Variants in E2F3 observed in about 807,000 individuals in gnomAD.
The protein encoded by E2F3 is transcription factor E2F3.
E2F3 carries 11 observed loss-of-function variants against 44.4 expected under a neutral mutation model. That is an observed-to-expected ratio of 0.25 (90% CI 0.16 to 0.41). The LOEUF is 0.41. E2F3 is among the 10% of genes least tolerant of loss of function. E2F3 has a pLI of 1.00. For synonymous variants in E2F3, 249 were observed against 253.0 expected (o/e 0.98, Z 0.15); for missense variants, 487 against 583.6 (o/e 0.83, Z 1.70).
chr6:20,415,686 G>A lies in E2F3; in HGVS notation c.393+13061G>A, dbSNP rs369232080. Reference sequence around the variant, plus strand: ...ATATGATATACATTTTAAAAGCAACGGATTTCTCATAGCTGGATTAACTTT... The same window carrying A: ...ATATGATATACATTTTAAAAGCAACAGATTTCTCATAGCTGGATTAACTTT... On this transcript the variant is annotated intron_variant, in intron 1 of 6. Coordinates refer to ENST00000346618, the MANE Select transcript of E2F3 (RefSeq NM_001949.5). Among the ~76,000 whole-genome samples, 10 of 152,226 alleles carry A rather than the reference G, an allele frequency of 6.6e-5. No homozygotes were observed. In the South Asian group the frequency reaches 2.1e-3, roughly 32 times the overall value.
intron 1 of E2F3, among the ~76,000 whole-genome samples, chr6:20,462,331 C>T (rs1761538170): frequency 1.3e-5 from 2 of 152,084 alleles, no homozygotes; most frequent in Non-Finnish European, 1.5e-5. Flanking sequence ...CCATTCTTTG[C>T]AGTATCTGCA....
rs769319305 is a variant in E2F3, at chr6:20,481,752, T to C, written c.725+327T>C. Among the ~76,000 whole-genome samples the C allele has an allele frequency of 2.0e-5, 3 of 152,240 alleles. No homozygotes were observed. The East Asian group carries it at 5.8e-4, about 30-fold the overall frequency. ...ATAGATGTCTGTGTGCACCCACGTG[T>C]GTATCTGACAGATGTGTACACGTCT... is the stretch of plus-strand genomic sequence containing the variant. On this transcript the variant is annotated intron_variant, in intron 3 of 6. Transcript: ENST00000346618.
chr6:20,461,592 GTATT>G (rs1267265992), intron 1 of E2F3, among the ~76,000 whole-genome samples: 1 of 151,876 alleles, frequency 6.6e-6, no homozygotes, highest in African/African-American at 2.4e-5. Context: ...CTTTTACTAC[GTATT>G]TATTAATCTA....
At chr6:20,404,759 A>G (rs1561844466) in intron 1 of E2F3, among the ~76,000 whole-genome samples, 2 of 152,108 alleles carry the variant, frequency 1.3e-5, no homozygotes, top group African/African-American at 4.8e-5. Flanking sequence ...AGCAGGGGGG[A>G]AACGGAGCAC....
intron 1 of E2F3, among the ~76,000 whole-genome samples, chr6:20,430,634 T>A (rs918082813): frequency 1.4e-4 from 21 of 152,090 alleles, no homozygotes; most frequent in African/African-American, 5.1e-4. Flanking sequence ...GAGAGAAAAA[T>A]CCTTTTTATG....
At chr6:20,424,210 G>GGTATGTGTGTGTGTGTGTGTGTGTGT (rs58738322) in intron 1 of E2F3, among the ~76,000 whole-genome samples, 1 of 136,920 alleles carries the variant, frequency 7.3e-6, no homozygotes, top group Admixed American at 7.4e-5. Context: ...TCAGTGGAAG[G>GGTATGTGTGTGTGTGTGTGTGTGTGT]GTGTGTGTGT....
At chr6:20,489,648 T>C (rs1318654009) in intron 6 of E2F3, among the ~76,000 whole-genome samples, 1 of 152,130 alleles carries the variant, frequency 6.6e-6, no homozygotes, top group Non-Finnish European at 1.5e-5. Context: ...TTATTGACAG[T>C]AGTTATTTGA....
In E2F3 at chr6:20,493,347, A is replaced by G. The variant is rs1214774522; in HGVS notation, c.*2917A>G. 2 of 224,232 alleles carry G rather than the reference A, an allele frequency of 8.9e-6. No homozygotes were observed. The highest frequency in any genetic ancestry group is 1.8e-5 in the Non-Finnish European group (2 of 112,280). 13.9% of individuals were successfully genotyped at this position (224,232 alleles called of 1,614,324 possible). A position where few individuals can be genotyped will look rare whatever the true frequency, so the allele number is the denominator to read the frequency against. On this transcript the variant is annotated 3_prime_UTR_variant, in exon 7 of 7. Coordinates refer to ENST00000346618, the MANE Select transcript of E2F3 (RefSeq NM_001949.5). ...ATAAGAATTCAGTGTGTGCATGACA[A>G]CTCGTGTGTATGAGAAGGAGGGATA... is the stretch of plus-strand genomic sequence containing the variant.
rs191405381 is a variant in E2F3, at chr6:20,432,496, G to A, written c.393+29871G>A. Reference sequence around the variant, plus strand: ...AGGTTTGTTTGAGACAAGATATATGGTGTAGACCACAGACCTTACGTTTAG... The same window carrying A: ...AGGTTTGTTTGAGACAAGATATATGATGTAGACCACAGACCTTACGTTTAG... On this transcript the variant is annotated intron_variant, in intron 1 of 6. Transcript: ENST00000346618. Among the ~76,000 whole-genome samples the A allele has an allele frequency of 2.1e-3, 314 of 152,364 alleles. 4 individuals are homozygous for A. In the Middle Eastern group the frequency reaches 0.031, roughly 15 times the overall value.
At chr6:20,409,623 G>A (rs1019758570) in intron 1 of E2F3, among the ~76,000 whole-genome samples, 7 of 152,170 alleles carry the variant, frequency 4.6e-5, no homozygotes, top group Non-Finnish European at 7.3e-5. Flanking sequence ...CTTCCTCTGT[G>A]GTTAGCTCCA....
chr6:20,411,977 T>G (rs949004755), intron 1 of E2F3, among the ~76,000 whole-genome samples: 1 of 152,218 alleles, frequency 6.6e-6, no homozygotes, highest in African/African-American at 2.4e-5. Context: ...AAGAGGCATT[T>G]TCATTAGACA....
intron 1 of E2F3, among the ~76,000 whole-genome samples, chr6:20,415,621 G>C (rs1462202723): frequency 6.6e-6 from 1 of 152,174 alleles, no homozygotes; most frequent in Non-Finnish European, 1.5e-5. Flanking sequence ...AGGATATCAT[G>C]TTTGCCTCTT....
At chr6:20,414,712 C>T (rs965316882) in intron 1 of E2F3, among the ~76,000 whole-genome samples, 1 of 152,118 alleles carries the variant, frequency 6.6e-6, no homozygotes, top group Non-Finnish European at 1.5e-5. Flanking sequence ...CATAAAGTTT[C>T]CCACCTTTCT....
chr6:20,445,678 G>A (rs2127598131), intron 1 of E2F3, among the ~76,000 whole-genome samples: 1 of 152,122 alleles, frequency 6.6e-6, no homozygotes, highest in South Asian at 2.1e-4. Context: ...TCACTCCATA[G>A]GTTCTTGGAA....
At chr6:20,452,081 A>G (rs956471110) in intron 1 of E2F3, among the ~76,000 whole-genome samples, 1 of 152,194 alleles carries the variant, frequency 6.6e-6, no homozygotes, top group African/African-American at 2.4e-5. Context: ...GAGTTGGGGA[A>G]GAATCCCTCC....
intron 1 of E2F3, among the ~76,000 whole-genome samples, chr6:20,443,024 A>G (rs1001008287): frequency 2.6e-5 from 4 of 152,160 alleles, no homozygotes; most frequent in Non-Finnish European, 4.4e-5. Context: ...ACATTTGTGT[A>G]ACGCAGGTGG....
rs1237189067 is a variant in E2F3, at chr6:20,402,195, T to G, written c.-38T>G. 6.5e-7 allele frequency: 1 copy of G among 1,548,378 alleles called. No individual in the cohort carries two copies. The highest frequency in any genetic ancestry group is 8.6e-7 in the Non-Finnish European group (1 of 1,157,432). On this transcript the variant is annotated 5_prime_UTR_variant, in exon 1 of 7. Transcript: ENST00000346618. The surrounding 1 kb of genome is among the most constrained non-coding windows in gnomAD (Gnocchi z 5.6). ...TAATAAAGAAATTGAAAACAATACA[T>G]TAATATACCATAACACTAAAAAGAG...
chr6:20,431,546 G>C (rs921781266), intron 1 of E2F3, among the ~76,000 whole-genome samples: 2 of 152,168 alleles, frequency 1.3e-5, no homozygotes, highest in African/African-American at 4.8e-5. Flanking sequence ...CCCTCTACCA[G>C]TGGGAATGGA....
At position 20,488,300 on chromosome 6, in the gene E2F3, T is replaced by C. The variant is rs780779849; in HGVS notation, c.1135+52T>C. ...AAACTATGTTAAAAATGAGGGTGACTAGAACCATCTGTATTGGAACCACAA... is the reference window on the plus strand; with the variant it reads ...AAACTATGTTAAAAATGAGGGTGACCAGAACCATCTGTATTGGAACCACAA... On this transcript the variant is annotated intron_variant, in intron 6 of 6. Transcript: ENST00000346618. The C allele has an allele frequency of 2.6e-6, 4 of 1,537,612 alleles. No individual in the cohort carries two copies. The Admixed American group carries it at 8.9e-5, about 34-fold the overall frequency.
Sources: gnomAD v4.1 joint callset for allele counts (sites outside exome capture counted in the v4.1 genomes callset) on GRCh38, gnomAD v4.1.1 for gene constraint, Gnocchi (gnomAD v3.1) non-coding constraint, MANE v1.5 for transcripts, NCBI Gene and HGNC (gene_info 2026-07-23, HGNC 2026-07-21) for gene names.